Variants in RNF111 observed in about 807,000 individuals in gnomAD.
The protein encoded by RNF111 is ring finger protein 111.
RNF111 carries 17 observed loss-of-function variants against 95.1 expected under a neutral mutation model. The observed-to-expected ratio is 0.18, with a 90% CI of 0.12 to 0.27. The LOEUF (loss-of-function observed/expected upper bound fraction) is 0.27, where lower values mean the gene tolerates loss of function less well. Among genes scored for constraint, RNF111 ranks in the 10% least tolerant of loss-of-function variants. The pLI, the probability that RNF111 is intolerant of heterozygous loss-of-function variation, is 1.00. For synonymous variants in RNF111, 440 were observed against 414.8 expected (o/e 1.06, Z -0.74); for missense variants, 1,189 against 1,210.4 (o/e 0.98, Z 0.26).
intron 4 of RNF111, among the ~76,000 whole-genome samples, chr15:59,056,617 A>C (rs181809598): frequency 1.3e-5 from 2 of 152,292 alleles, no homozygotes; most frequent in Admixed American, 1.3e-4. Context: ...GTTAGAGGCC[A>C]TATACAATCA....
At chr15:59,076,245 T>C (rs768529027) in intron 7 of RNF111, 30 bp downstream of exon 7, 2 of 1,595,658 alleles carry the variant, frequency 1.3e-6, no homozygotes, top group Middle Eastern at 1.7e-4. Flanking sequence ...ACACAAAATC[T>C]AGAGTCATGT....
At chr15:59,028,655 C>G (rs777795120) in intron 1 of RNF111, among the ~76,000 whole-genome samples, 6 of 151,868 alleles carry the variant, frequency 4.0e-5, no homozygotes, top group Non-Finnish European at 8.8e-5. Context: ...CATTTGTGTT[C>G]CCACTTTTTT....
chr15:59,020,024 T>G (rs1193050838), intron 1 of RNF111, among the ~76,000 whole-genome samples: 1 of 151,586 alleles, frequency 6.6e-6, no homozygotes, highest in Non-Finnish European at 1.5e-5. Flanking sequence ...GAAATGGGGT[T>G]AATGGATTTT....
In RNF111 at chr15:59,005,804, A is replaced by G. The variant is rs184308001; in HGVS notation, c.-20+17736A>G. On this transcript the variant is annotated intron_variant, in intron 1 of 13. Coordinates refer to ENST00000348370, the MANE Select transcript of RNF111 (RefSeq NM_017610.8). Reference sequence around the variant, plus strand: ...CTGACTCGTCATCTTTAAAACAACAACAATAAAAGCTATCATATGCATATG... The same window carrying G: ...CTGACTCGTCATCTTTAAAACAACAGCAATAAAAGCTATCATATGCATATG... Among the ~76,000 whole-genome samples, 264 of 152,366 alleles carry G rather than the reference A, an allele frequency of 1.7e-3. 3 individuals carry two copies. The highest frequency in any genetic ancestry group is 5.9e-3 in the African/African-American group (247 of 41,586).
chr15:59,067,161 T>A, intron 6 of RNF111, 78 bp downstream of exon 6: 2 of 1,192,246 alleles, frequency 1.7e-6, no homozygotes, highest in Non-Finnish European at 2.4e-6. Context: ...TTTCTCTCTC[T>A]TCCTCTTCCT....
At chr15:59,001,280 T>A (rs1486185861) in intron 1 of RNF111, among the ~76,000 whole-genome samples, 1 of 152,204 alleles carries the variant, frequency 6.6e-6, no homozygotes, top group Non-Finnish European at 1.5e-5. Flanking sequence ...GTTCATGTTC[T>A]TCAGTTATAT....
chr15:59,061,230 A>G (rs1214533534), intron 5 of RNF111, among the ~76,000 whole-genome samples: 1 of 152,206 alleles, frequency 6.6e-6, no homozygotes, highest in Non-Finnish European at 1.5e-5. Flanking sequence ...TCTTGGCTAC[A>G]GTCCTAAATG....
intron 10 of RNF111, among the ~76,000 whole-genome samples, chr15:59,087,016 C>A (rs1470033993): frequency 6.6e-6 from 1 of 152,154 alleles, no homozygotes; most frequent in Admixed American, 6.5e-5. Context: ...AATGATGATA[C>A]ACATTTGAGA....
At chr15:59,082,362 A>G (rs2078770237) in intron 8 of RNF111, among the ~76,000 whole-genome samples, 1 of 152,234 alleles carries the variant, frequency 6.6e-6, no homozygotes, top group Non-Finnish European at 1.5e-5. Context: ...GTTAAAATTG[A>G]TGATTCTGAG....
In RNF111 at chr15:59,058,050, G is replaced by A. The variant is rs376903487; in HGVS notation, c.1172-306G>A. 5.3e-5 allele frequency among the ~76,000 whole-genome samples: 8 copies of A among 152,220 alleles called. No homozygotes were observed. The East Asian group carries it at 1.2e-3, about 22-fold the overall frequency. ...TAAGGAACTTTTATTTCCTTTTACT[G>A]TTTTCTTCTTTGTGATAGATCAGAC... On this transcript the variant is annotated intron_variant, in intron 4 of 13. Transcript: ENST00000348370.
intron 5 of RNF111, among the ~76,000 whole-genome samples, chr15:59,059,553 T>C (rs116515818): frequency 0.019 from 2,925 of 152,268 alleles, 100 homozygotes; most frequent in African/African-American, 0.065. Flanking sequence ...TTTTTAAAAT[T>C]TTGGTGATAT....
chr15:59,051,969 C>T (rs964887507), intron 2 of RNF111, among the ~76,000 whole-genome samples: 8 of 151,778 alleles, frequency 5.3e-5, no homozygotes, highest in Non-Finnish European at 8.8e-5. Flanking sequence ...AGTAGAATAT[C>T]TTATACAAGA....
chr15:59,031,564 G>T lies in RNF111; in HGVS notation c.742G>T (p.Ala248Ser). Residue 248 changes from alanine to serine, a missense_variant, in exon 2 of 14, where the codon GCC becomes TCC. By Grantham distance (99) the Ala-to-Ser change is moderately conservative. Transcript: ENST00000348370. Reference protein sequence around the residue: ...KREVLARRKYALLPSSSSSSE... With the variant: ...KREVLARRKYSLLPSSSSSSE... ...AGAAGTGTTAGCTCGAAGAAAATATGCCTTGCTACCTAGTTCTAGTAGTTC... is the reference window on the plus strand; with the variant it reads ...AGAAGTGTTAGCTCGAAGAAAATATTCCTTGCTACCTAGTTCTAGTAGTTC... The T allele has an allele frequency of 6.2e-7, 1 of 1,614,178 alleles. No individual in the cohort carries two copies. The highest frequency in any genetic ancestry group is 8.5e-7 in the Non-Finnish European group (1 of 1,180,024).
At chr15:59,000,459 TGCAGCAC>T (rs1236927851) in intron 1 of RNF111, among the ~76,000 whole-genome samples, 1 of 151,944 alleles carries the variant, frequency 6.6e-6, no homozygotes, top group Non-Finnish European at 1.5e-5. Context: ...CATCTGTAAT[TGCAGCAC>T]TTTGGGAGGC....
intron 8 of RNF111, among the ~76,000 whole-genome samples, chr15:59,081,858 C>T (rs746442972): frequency 2.6e-5 from 4 of 152,182 alleles, no homozygotes; most frequent in Non-Finnish European, 5.9e-5. Flanking sequence ...GAGACCTCGT[C>T]TCCACCAAAA....
At chr15:59,048,761 A>G (rs1421349319) in intron 2 of RNF111, among the ~76,000 whole-genome samples, 1 of 152,120 alleles carries the variant, frequency 6.6e-6, no homozygotes, top group African/African-American at 2.4e-5. Flanking sequence ...CATTTTAACT[A>G]TTTTTAAGCT....
intron 1 of RNF111, among the ~76,000 whole-genome samples, chr15:58,996,486 C>G (rs375247854): frequency 3.3e-5 from 5 of 151,258 alleles, no homozygotes; most frequent in African/African-American, 1.2e-4. Context: ...GTGGCTGGAG[C>G]AGGAGAATCG....
chr15:59,088,665 T>C (rs1002949145), intron 10 of RNF111, among the ~76,000 whole-genome samples: 3 of 152,208 alleles, frequency 2.0e-5, no homozygotes, highest in Non-Finnish European at 4.4e-5. Context: ...TTATGATCTA[T>C]ACAGTTGCTG....
intron 2 of RNF111, among the ~76,000 whole-genome samples, chr15:59,037,268 TAGAA>T (rs2041225108): frequency 6.6e-6 from 1 of 152,208 alleles, no homozygotes; most frequent in African/African-American, 2.4e-5. Context: ...CTTGGGTTAT[TAGAA>T]AGCCTGTTAA....
Sources: gnomAD v4.1 joint callset for allele counts (sites outside exome capture counted in the v4.1 genomes callset) on GRCh38, gnomAD v4.1.1 for gene constraint, MANE v1.5 for transcripts, NCBI Gene and HGNC (gene_info 2026-07-23, HGNC 2026-07-21) for gene names.